Variants in RAC1 observed in about 807,000 individuals in gnomAD.
The protein encoded by RAC1 is ras-related C3 botulinum toxin substrate 1.
Under a neutral mutation model 25.2 loss-of-function variants are expected in RAC1, and 2 were observed. The observed-to-expected ratio is 0.08, with a 90% CI of 0.03 to 0.25. RAC1 has a LOEUF of 0.25. Among genes scored for constraint, RAC1 ranks in the 10% least tolerant of loss-of-function variants. The pLI, the probability that RAC1 is intolerant of heterozygous loss-of-function variation, is 1.00. For synonymous variants in RAC1, 88 were observed against 94.0 expected (o/e 0.94, Z 0.37); for missense variants, 50 against 235.7 (o/e 0.21, Z 5.16).
At chr7:6,388,362 T>G (rs1222652449) in intron 2 of RAC1, among the ~76,000 whole-genome samples, 1 of 148,616 alleles carries the variant, frequency 6.7e-6, no homozygotes, top group Non-Finnish European at 1.5e-5. Context: ...TTTTTTTTTT[T>G]TTGGAGTTAG....
At chr7:6,382,589 C>A (rs937940140) in intron 1 of RAC1, among the ~76,000 whole-genome samples, 1 of 152,118 alleles carries the variant, frequency 6.6e-6, no homozygotes, top group Non-Finnish European at 1.5e-5. Flanking sequence ...CTTGGCTGGG[C>A]GTGGTGGCTC....
chr7:6,390,873 C>T (rs539781304), intron 2 of RAC1, among the ~76,000 whole-genome samples: 2 of 152,118 alleles, frequency 1.3e-5, no homozygotes, highest in East Asian at 3.9e-4. Flanking sequence ...TTAACATGTC[C>T]ATCACCATCA....
chr7:6,374,811 G>A (rs774309151), intron 1 of RAC1, 41 bp downstream of exon 1: 102 of 1,098,246 alleles, frequency 9.3e-5, no homozygotes, highest in Non-Finnish European at 1.1e-4. Context: ...CCGCGGGATC[G>A]GGCGCGGAGG....
At chr7:6,381,796 AGTG>A (rs1338810113) in intron 1 of RAC1, among the ~76,000 whole-genome samples, 1 of 152,106 alleles carries the variant, frequency 6.6e-6, no homozygotes, top group African/African-American at 2.4e-5. Flanking sequence ...GCACTACTCT[AGTG>A]GTGTATTTTT....
At chr7:6,396,758 C>T (rs962329375) in intron 3 of RAC1, among the ~76,000 whole-genome samples, 3 of 152,132 alleles carry the variant, frequency 2.0e-5, no homozygotes, top group African/African-American at 4.8e-5. Context: ...TGGCCTGGCA[C>T]GGTGGCTCAC....
At chr7:6,387,898 A>G (rs1008809300) in intron 2 of RAC1, among the ~76,000 whole-genome samples, 2 of 152,156 alleles carry the variant, frequency 1.3e-5, no homozygotes, top group African/African-American at 4.8e-5. Context: ...CTGATCAGAA[A>G]CAGTCCTTGT....
At chr7:6,377,342 C>T (rs1782639048) in intron 1 of RAC1, among the ~76,000 whole-genome samples, 1 of 152,094 alleles carries the variant, frequency 6.6e-6, no homozygotes, top group African/African-American at 2.4e-5. Flanking sequence ...CACCTGTAAC[C>T]CAGCATTTTG....
intron 3 of RAC1, among the ~76,000 whole-genome samples, chr7:6,393,931 T>C (rs1300742110): frequency 6.6e-6 from 1 of 152,182 alleles, no homozygotes; most frequent in Non-Finnish European, 1.5e-5. Flanking sequence ...CTGGAAGGTC[T>C]CATCCCTTTG....
At chr7:6,379,558 AGCCACTAC>A (rs1782705869) in intron 1 of RAC1, among the ~76,000 whole-genome samples, 2 of 151,974 alleles carry the variant, frequency 1.3e-5, no homozygotes, top group Non-Finnish European at 2.9e-5. Flanking sequence ...TACAGGCATG[AGCCACTAC>A]GCCTGGCAAT....
chr7:6,388,655 T>G (rs1390835903), intron 2 of RAC1, among the ~76,000 whole-genome samples: 1 of 152,072 alleles, frequency 6.6e-6, no homozygotes, highest in Non-Finnish European at 1.5e-5. Context: ...TTACTGTAAG[T>G]GGAATCATGC....
chr7:6,383,952 A>G (rs1481969946), intron 1 of RAC1, among the ~76,000 whole-genome samples: 1 of 150,934 alleles, frequency 6.6e-6, no homozygotes, highest in Non-Finnish European at 1.5e-5. Flanking sequence ...ACAGGCATGC[A>G]CGCCCGGCTA....
At chr7:6,402,158 G>A (rs1783420554) in intron 5 of RAC1, 131 bp downstream of exon 5, 1 of 1,442,430 alleles carries the variant, frequency 6.9e-7, no homozygotes, top group Non-Finnish European at 9.4e-7. Context: ...GAACCAGCTG[G>A]CAAGGCCCTG....
At chr7:6,389,985 T>TC (rs1259239587) in intron 2 of RAC1, among the ~76,000 whole-genome samples, 2 of 111,548 alleles carry the variant, frequency 1.8e-5, no homozygotes, top group African/African-American at 6.8e-5. Flanking sequence ...CTTCCCTCCC[T>TC]CCTCCTCTCC....
intron 2 of RAC1, 54 bp from the exon 3 acceptor site, chr7:6,391,870 G>C: frequency 1.2e-6 from 2 of 1,612,564 alleles, no homozygotes; most frequent in Non-Finnish European, 1.7e-6. Context: ...GGATGGCTGG[G>C]ACAGTGACTT....
At chr7:6,376,473 G>A (rs1782598613) in intron 1 of RAC1, among the ~76,000 whole-genome samples, 1 of 149,288 alleles carries the variant, frequency 6.7e-6, no homozygotes, top group Non-Finnish European at 1.5e-5. Context: ...CGTAAGCCAC[G>A]GCGCCCGGCC....
intron 3 of RAC1, among the ~76,000 whole-genome samples, chr7:6,395,521 G>A (rs1783212413): frequency 6.6e-6 from 1 of 152,176 alleles, no homozygotes; most frequent in African/African-American, 2.4e-5. Context: ...GCCGGGAGCA[G>A]GGGATATTTG....
intron 2 of RAC1, chr7:6,391,673 C>T (rs936569404): frequency 1.9e-5 from 9 of 472,472 alleles, no homozygotes; most frequent in Admixed American, 1.1e-4. Context: ...TTATTTCTGA[C>T]GGTGATTTGT....
At chr7:6,387,323 G>A (rs3729790) in intron 2 of RAC1, 40 bp downstream of exon 2, 282,143 of 1,340,934 alleles carry the variant, frequency 0.21, 31,978 homozygotes, top group Non-Finnish European at 0.23. Context: ...TTTGTGTTAC[G>A]GGTTTCACAT....
chr7:6,389,096 G>C (rs373451794), intron 2 of RAC1, among the ~76,000 whole-genome samples: 27 of 152,054 alleles, frequency 1.8e-4, no homozygotes, highest in Non-Finnish European at 3.7e-4. Flanking sequence ...CAGCTACTCA[G>C]GAGGCTGAGG....
Sources: allele counts gnomAD v4.1 joint callset (sites outside exome capture counted in the v4.1 genomes callset), GRCh38; gene constraint gnomAD v4.1.1; transcripts MANE v1.5; gene names NCBI Gene and HGNC (gene_info 2026-07-23, HGNC 2026-07-21).